The following XPO6 variants were observed in gnomAD, a reference collection of about 807,000 sequenced individuals.
The protein encoded by XPO6 is exportin-6.
In XPO6, 3 loss-of-function variants were observed where a neutral mutation model predicts 130.0. That is an observed-to-expected ratio of 0.02 (90% CI 0.01 to 0.06). The LOEUF (loss-of-function observed/expected upper bound fraction) is 0.06. Among genes scored for constraint, XPO6 ranks in the 10% least tolerant of loss-of-function variants. The pLI is 1.00. For missense variants in XPO6, 970 were observed against 1,393.0 expected, an observed-to-expected ratio of 0.70 and a Z score of 4.83; for synonymous variants, 524 against 548.9, an observed-to-expected ratio of 0.95 and a Z score of 0.63.
Position 28,106,520 on chromosome 16 carries a change from C to G in XPO6, c.2498-23G>C. 6.3e-7 allele frequency: 1 copy of G among 1,594,880 alleles called. No individual in the cohort carries two copies. Among genetic ancestry groups the G allele is most frequent in the Non-Finnish European group, 8.6e-7 (1 of 1,163,220 alleles). On this transcript the variant is annotated intron_variant, in intron 18 of 23. Coordinates refer to ENST00000304658, the MANE Select transcript of XPO6 (RefSeq NM_015171.4). The surrounding 1 kb of genome is among the most constrained non-coding windows in gnomAD (Gnocchi z 4.2). ...CATCTGAGGAAAGGGGCAGAGATATCGTCAGAGGCTTGCACACAGTGAGAA... is the reference window on the plus strand; with the variant it reads ...CATCTGAGGAAAGGGGCAGAGATATGGTCAGAGGCTTGCACACAGTGAGAA...
chr16:28,107,781 T>C (rs1452693264), intron 17 of XPO6, 104 bp from the exon 18 acceptor site: 2 of 1,256,678 alleles, frequency 1.6e-6, no homozygotes, highest in African/African-American at 1.5e-5. Flanking sequence ...ACCAAGAAGA[T>C]GATCACACGA....
At chr16:28,105,818 T>C (rs1237579155) in intron 20 of XPO6, 10 of 612,604 alleles carry the variant, frequency 1.6e-5, no homozygotes, top group Non-Finnish European at 2.7e-5. Flanking sequence ...CAACTGACCC[T>C]GTGGAATAAC....
At chr16:28,137,918 C>A (rs970794089) in intron 9 of XPO6, among the ~76,000 whole-genome samples, 1 of 152,030 alleles carries the variant, frequency 6.6e-6, no homozygotes, top group Non-Finnish European at 1.5e-5. Flanking sequence ...CCTATGTCCA[C>A]GAGCACCCAC....
intron 1 of XPO6, among the ~76,000 whole-genome samples, chr16:28,209,311 T>C (rs1567655871): frequency 6.6e-6 from 1 of 152,174 alleles, no homozygotes; most frequent in African/African-American, 2.4e-5. Context: ...CTAATTTTAA[T>C]TATGTATATT....
intron 13 of XPO6, among the ~76,000 whole-genome samples, chr16:28,125,277 A>G (rs1312239019): frequency 1.3e-5 from 2 of 152,224 alleles, no homozygotes; most frequent in African/African-American, 4.8e-5. Flanking sequence ...CCTTATCAGT[A>G]GGGCTTTCTT....
intron 13 of XPO6, 94 bp downstream of exon 13, chr16:28,125,595 G>T: frequency 6.8e-7 from 1 of 1,478,064 alleles, no homozygotes; most frequent in Non-Finnish European, 9.1e-7. Context: ...CGGGGCCAGA[G>T]CAGAAGCTAT....
chr16:28,189,735 T>C (rs985494439), intron 1 of XPO6, among the ~76,000 whole-genome samples: 4 of 152,214 alleles, frequency 2.6e-5, no homozygotes, highest in Non-Finnish European at 5.9e-5. Context: ...TGTTTTCTTG[T>C]CTGCAGCTTA....
intron 1 of XPO6, among the ~76,000 whole-genome samples, chr16:28,186,374 C>CTTTTT (rs60754642): frequency 0.75 from 60,293 of 80,796 alleles, 25,338 homozygotes; most frequent in Non-Finnish European, 0.82. Context: ...CCCAGTTATT[C>CTTTTT]TTTTTTTTTT....
At chr16:28,139,557 C>T (rs1487232672) in intron 9 of XPO6, among the ~76,000 whole-genome samples, 2 of 152,002 alleles carry the variant, frequency 1.3e-5, no homozygotes, top group Non-Finnish European at 2.9e-5. Flanking sequence ...ATGATGGGTA[C>T]GTGTATAAAT....
At chr16:28,098,672 C>A (rs769014849) in intron 23 of XPO6, 33 bp from the exon 24 acceptor site, 2 of 1,535,184 alleles carry the variant, frequency 1.3e-6, no homozygotes, top group Non-Finnish European at 1.8e-6. Context: ...CAGCCAACAA[C>A]ACACCAGGTC....
At chr16:28,105,081 G>A (rs1487550799) in intron 20 of XPO6, among the ~76,000 whole-genome samples, 6 of 152,288 alleles carry the variant, frequency 3.9e-5, no homozygotes, top group Admixed American at 1.3e-4. Flanking sequence ...TGTTCTATTC[G>A]ACCTGTCAGA....
chr16:28,098,760 A>C (rs999923417), intron 23 of XPO6, 121 bp from the exon 24 acceptor site: 2 of 649,878 alleles, frequency 3.1e-6, no homozygotes, highest in East Asian at 2.9e-5. Context: ...CTAAAACTCA[A>C]AACTTCTATT....
chr16:28,190,514 G>A lies in XPO6; in HGVS notation c.4-9483C>T, dbSNP rs531209924. On this transcript the variant is annotated intron_variant, in intron 1 of 23. Transcript: ENST00000304658. ...GCTGGGATTACAGGCCTGAGCCAGCGTGCCCAGCCTGGTTTCAATAATTTT... is the reference window on the plus strand; with the variant it reads ...GCTGGGATTACAGGCCTGAGCCAGCATGCCCAGCCTGGTTTCAATAATTTT... 5.9e-5 allele frequency among the ~76,000 whole-genome samples: 9 copies of A among 152,226 alleles called. No homozygotes were observed. The South Asian group carries it at 1.5e-3, about 25-fold the overall frequency.
At chr16:28,167,233 C>A in intron 5 of XPO6, 1 of 985,462 alleles carries the variant, frequency 1.0e-6, no homozygotes, top group Non-Finnish European at 1.2e-6. Context: ...AAGGCAGTAA[C>A]AGACCTGCAT....
At chr16:28,173,838 T>G (rs975219998) in intron 4 of XPO6, among the ~76,000 whole-genome samples, 1 of 152,208 alleles carries the variant, frequency 6.6e-6, no homozygotes, top group Non-Finnish European at 1.5e-5. Context: ...TTACAAATAA[T>G]TATACTTCAA....
At chr16:28,149,218 G>C (rs1451531394) in intron 8 of XPO6, among the ~76,000 whole-genome samples, 1 of 152,120 alleles carries the variant, frequency 6.6e-6, no homozygotes, top group Non-Finnish European at 1.5e-5. Flanking sequence ...AAGCTTAGGA[G>C]CATTAAGACA....
intron 8 of XPO6, 101 bp downstream of exon 8, chr16:28,152,558 A>C: frequency 7.2e-7 from 1 of 1,395,550 alleles, no homozygotes; most frequent in Non-Finnish European, 9.7e-7. Context: ...GCATTATATT[A>C]ATGTTTGGAA....
intron 5 of XPO6, among the ~76,000 whole-genome samples, chr16:28,169,104 G>A (rs1232792744): frequency 6.6e-6 from 1 of 152,176 alleles, no homozygotes; most frequent in Non-Finnish European, 1.5e-5. Context: ...GGCACCCTCA[G>A]GGCCTCACGG....
Position 28,112,002 on chromosome 16 carries a change from T to C in XPO6, c.2156A>G (p.Gln719Arg), listed in dbSNP as rs1320848899. The stretch of plus-strand genomic sequence containing the variant: ...AGAGAGGGCTCGGCACACCAACACC[T>C]GGGCCTACAAGAGACCCCAAAGGCA... Reference protein sequence around the residue: ...ASALRLVDKAQVLVCRALSNI... With the variant: ...ASALRLVDKARVLVCRALSNI... The change falls in exon 17 of 24, where the codon CAG (glutamine) becomes CGG (arginine). Residue 719 changes from glutamine (Q) to arginine (R), a missense_variant. Physicochemically the swap from Gln to Arg is conservative, Grantham distance 43 (BLOSUM62 1). Transcript: ENST00000304658. The C allele has an allele frequency of 1.9e-6, 3 of 1,610,312 alleles. No individual in the cohort carries two copies.
Sources: gnomAD v4.1 joint callset for allele counts (sites outside exome capture counted in the v4.1 genomes callset) on GRCh38, gnomAD v4.1.1 for gene constraint, Gnocchi (gnomAD v3.1) non-coding constraint, MANE v1.5 for transcripts, NCBI Gene and HGNC (gene_info 2026-07-23, HGNC 2026-07-21) for gene names.